Variants in KCNMA1 observed in about 807,000 individuals in gnomAD.
KCNMA1 encodes the protein potassium calcium-activated channel subfamily M alpha 1.
Under a neutral mutation model 140.0 loss-of-function variants are expected in KCNMA1, and 29 were observed. That is an observed-to-expected ratio of 0.21 (90% CI 0.15 to 0.28). KCNMA1 has a LOEUF of 0.28. Ranked by LOEUF, KCNMA1 falls within the 10% of genes least tolerant of loss-of-function variation. KCNMA1 has a pLI of 1.00. For synonymous variants in KCNMA1, 612 were observed against 611.9 expected (o/e 1.00, Z 0.00); for missense variants, 880 against 1,602.2 (o/e 0.55, Z 7.70).
At chr10:77,031,781 G>C (rs756753149) in intron 15 of KCNMA1, among the ~76,000 whole-genome samples, 6 of 152,218 alleles carry the variant, frequency 3.9e-5, no homozygotes, top group Non-Finnish European at 8.8e-5. Flanking sequence ...CTCCCCTCTA[G>C]ACTGAGTTTT....
At chr10:77,337,650 C>T (rs904050000) in intron 2 of KCNMA1, among the ~76,000 whole-genome samples, 2 of 152,144 alleles carry the variant, frequency 1.3e-5, no homozygotes, top group Non-Finnish European at 2.9e-5. Flanking sequence ...AAAATCATTT[C>T]AACTGGATAT....
chr10:77,174,493 G>A (rs938396096), intron 5 of KCNMA1, among the ~76,000 whole-genome samples: 2 of 152,172 alleles, frequency 1.3e-5, no homozygotes, highest in African/African-American at 2.4e-5. Flanking sequence ...GTCCAGCTCC[G>A]CAGCCAATGA....
chr10:77,318,482 T>C (rs1046632968), intron 2 of KCNMA1, among the ~76,000 whole-genome samples: 3 of 152,136 alleles, frequency 2.0e-5, no homozygotes, highest in East Asian at 3.9e-4. Flanking sequence ...GAGGGCCCCA[T>C]GGGTCTCCAC....
chr10:77,252,865 T>C (rs911063226), intron 2 of KCNMA1, among the ~76,000 whole-genome samples: 5 of 151,982 alleles, frequency 3.3e-5, no homozygotes, highest in African/African-American at 1.2e-4. Context: ...CTGAGGTTTA[T>C]TTCATTCTGC....
At chr10:77,597,951 T>C (rs1413755731) in intron 1 of KCNMA1, among the ~76,000 whole-genome samples, 1 of 152,204 alleles carries the variant, frequency 6.6e-6, no homozygotes, top group East Asian at 1.9e-4. Flanking sequence ...TTCACTTCTC[T>C]GTAAGATATT....
At chr10:77,273,089 C>T (rs2065626358) in intron 2 of KCNMA1, among the ~76,000 whole-genome samples, 1 of 152,162 alleles carries the variant, frequency 6.6e-6, no homozygotes, top group African/African-American at 2.4e-5. Flanking sequence ...ATTTCAAAAC[C>T]TATAGCACTT....
chr10:77,285,219 C>T (rs2070341561), intron 2 of KCNMA1, among the ~76,000 whole-genome samples: 1 of 152,058 alleles, frequency 6.6e-6, no homozygotes, highest in South Asian at 2.1e-4. Context: ...CATTATCTCA[C>T]AATACTTATG....
chr10:77,039,189 T>C, intron 15 of KCNMA1: 1 of 364,750 alleles, frequency 2.7e-6, no homozygotes, highest in South Asian at 3.3e-5. Flanking sequence ...TGTTTTGCCC[T>C]CTTAGAATCA....
chr10:77,390,984 A>G (rs1327234044), intron 2 of KCNMA1, among the ~76,000 whole-genome samples: 1 of 152,144 alleles, frequency 6.6e-6, no homozygotes, highest in Non-Finnish European at 1.5e-5. Flanking sequence ...CAGCCATTTC[A>G]CCAAAAGCCA....
At chr10:77,064,646 G>T (rs889898080) in intron 14 of KCNMA1, among the ~76,000 whole-genome samples, 3 of 152,176 alleles carry the variant, frequency 2.0e-5, no homozygotes, top group African/African-American at 4.8e-5. Flanking sequence ...TCTACTTTCA[G>T]GTGGGCATTA....
At chr10:77,038,038 C>G (rs547883156) in intron 15 of KCNMA1, among the ~76,000 whole-genome samples, 2 of 152,298 alleles carry the variant, frequency 1.3e-5, no homozygotes, top group East Asian at 3.9e-4. Flanking sequence ...CTTTTCCAGT[C>G]CATTTAGCAT....
At chr10:77,460,210 G>C (rs527510329) in intron 1 of KCNMA1, among the ~76,000 whole-genome samples, 4 of 152,242 alleles carry the variant, frequency 2.6e-5, no homozygotes, top group Non-Finnish European at 4.4e-5. Flanking sequence ...ATGAATGTTC[G>C]TTGATAAAGT....
chr10:77,512,048 G>C (rs2048589993), intron 1 of KCNMA1, among the ~76,000 whole-genome samples: 1 of 152,224 alleles, frequency 6.6e-6, no homozygotes, highest in African/African-American at 2.4e-5. Flanking sequence ...TGGTGAGCAG[G>C]AAGCCCGGGA....
Position 77,228,671 on chromosome 10 carries a change from A to C in KCNMA1, c.602+22524T>G, listed in dbSNP as rs369428366. Reference sequence around the variant, plus strand: ...GGCACATAAAATTATGAGCCTGCCCAAGTGTCTTCTTGGCCTACCATGCTC... The same window carrying C: ...GGCACATAAAATTATGAGCCTGCCCCAGTGTCTTCTTGGCCTACCATGCTC... On this transcript the variant is annotated intron_variant, in intron 3 of 27. Transcript: ENST00000286628. Among the ~76,000 whole-genome samples the C allele has an allele frequency of 5.3e-5, 8 of 152,320 alleles. No homozygotes were observed. The East Asian group carries it at 1.2e-3, about 22-fold the overall frequency.
chr10:76,999,991 C>A (rs1208011357), intron 19 of KCNMA1, among the ~76,000 whole-genome samples: 1 of 152,178 alleles, frequency 6.6e-6, no homozygotes, highest in African/African-American at 2.4e-5. Flanking sequence ...CCTCATGGAT[C>A]CCGGCTACAC....
At chr10:77,477,381 C>T (rs1212980869) in intron 1 of KCNMA1, among the ~76,000 whole-genome samples, 1 of 152,184 alleles carries the variant, frequency 6.6e-6, no homozygotes, top group African/African-American at 2.4e-5. Context: ...ATCAGGCCAC[C>T]ATATGTCTGT....
downstream of KCNMA1, chr10:76,877,732 C>T (rs777458030): frequency 3.9e-6 from 6 of 1,551,196 alleles, no homozygotes; most frequent in Non-Finnish European, 5.2e-6. Flanking sequence ...TTCTGGTCTC[C>T]TGGGAGTCAA....
intron 15 of KCNMA1, among the ~76,000 whole-genome samples, chr10:77,038,853 G>A (rs549234520): frequency 6.6e-5 from 10 of 152,320 alleles, no homozygotes; most frequent in Non-Finnish European, 1.0e-4. Context: ...CTGAGGCACT[G>A]TCATGCCTCA....
At chr10:77,165,325 A>G (rs947993491) in intron 5 of KCNMA1, among the ~76,000 whole-genome samples, 5 of 152,218 alleles carry the variant, frequency 3.3e-5, no homozygotes, top group African/African-American at 1.2e-4. Context: ...GTTCTGACAC[A>G]TTGAAGTACA....
Sources: gnomAD v4.1 joint callset for allele counts (sites outside exome capture counted in the v4.1 genomes callset) on GRCh38, gnomAD v4.1.1 for gene constraint, MANE v1.5 for transcripts, NCBI Gene and HGNC (gene_info 2026-07-23, HGNC 2026-07-21) for gene names.